SIRPG: variants seen among roughly 807,000 people sequenced by gnomAD.
SIRPG encodes signal regulatory protein gamma.
A neutral mutation model predicts 35.7 loss-of-function variants in SIRPG; 38 were observed. That is an observed-to-expected ratio of 1.06 (90% CI 0.82 to 1.40). SIRPG has a LOEUF of 1.40. SIRPG is among the 40% of genes most tolerant of loss of function. The pLI is 0.00. For missense variants in SIRPG, 519 were observed against 483.0 expected, an observed-to-expected ratio of 1.07 and a Z score of -0.70; for synonymous variants, 215 against 190.4, an observed-to-expected ratio of 1.13 and a Z score of -1.06.
chr20:1,664,501 G>A, the SIRPG span, among the ~76,000 whole-genome samples: 1 of 152,100 alleles, frequency 6.6e-6, no homozygotes, highest in South Asian at 2.1e-4. Flanking sequence ...AGTGTATTCA[G>A]ATTTGATGTG....
the SIRPG span, among the ~76,000 whole-genome samples, chr20:1,682,422 A>G: frequency 6.6e-6 from 1 of 152,210 alleles, no homozygotes; most frequent in Admixed American, 6.5e-5. Flanking sequence ...CCCTATGACC[A>G]TCTCAACACA....
chr20:1,684,463 C>T, the SIRPG span, among the ~76,000 whole-genome samples: 1 of 151,998 alleles, frequency 6.6e-6, no homozygotes, highest in Non-Finnish European at 1.5e-5. Flanking sequence ...TTTGTTCTGT[C>T]CTTATACTAT....
At chr20:1,677,947 C>G in the SIRPG span, among the ~76,000 whole-genome samples, 1 of 152,148 alleles carries the variant, frequency 6.6e-6, no homozygotes, top group African/African-American at 2.4e-5. Flanking sequence ...CACCCACATG[C>G]AGAGTAACTG....
Position 1,649,057 on chromosome 20 carries a change from A to C in SIRPG, c.425T>G (p.Leu142Trp). ...GAGGTCCATGTTGTACTCACCACCC[A>C]AAGCCATCTCAGTGCCTGGTCCAGA... ...FKSGPGTEMA[L>W]GAKPSAPVVL... The change falls in exon 2 of 6, where the codon TTG becomes TGG. Residue 142 changes from leucine to tryptophan, a missense_variant. Physicochemically the swap from Leu to Trp is moderately conservative, Grantham distance 61 (BLOSUM62 -2). Coordinates refer to ENST00000303415, the MANE Select transcript of SIRPG (RefSeq NM_018556.4). The C allele has an allele frequency of 3.7e-6, 6 of 1,613,530 alleles. No individual in the cohort carries two copies. The highest frequency in any genetic ancestry group is 5.1e-6 in the Non-Finnish European group (6 of 1,179,570).
intron 2 of SIRPG, among the ~76,000 whole-genome samples, chr20:1,645,168 C>A (rs2091888770): frequency 6.6e-6 from 1 of 152,044 alleles, no homozygotes; most frequent in African/African-American, 2.4e-5. Flanking sequence ...GTCCTGAGGC[C>A]CGTACTGTGG....
the SIRPG span, among the ~76,000 whole-genome samples, chr20:1,680,576 T>G: frequency 2.6e-5 from 4 of 152,170 alleles, no homozygotes; most frequent in Non-Finnish European, 4.4e-5. Context: ...ACTAGCAAAC[T>G]GAATTGAATA....
intron 1 of SIRPG, 51 bp downstream of exon 1, chr20:1,657,591 G>A: frequency 6.4e-7 from 1 of 1,572,918 alleles, no homozygotes; most frequent in African/African-American, 1.3e-5. Flanking sequence ...CAGGGGCAAG[G>A]CTAGGTCCAG....
intron 2 of SIRPG, 74 bp downstream of exon 2, chr20:1,648,978 T>G: frequency 7.5e-7 from 1 of 1,329,484 alleles, no homozygotes; most frequent in Non-Finnish European, 1.1e-6. Context: ...TGATTGTTGC[T>G]CAAAGAATGG....
chr20:1,646,971 G>A (rs983501308), intron 2 of SIRPG: 2 of 152,236 alleles, frequency 1.3e-5, no homozygotes, highest in African/African-American at 2.4e-5. Flanking sequence ...AATGCTTTTC[G>A]CTATAGAACT....
At chr20:1,658,930 T>C (rs1483652587), upstream of SIRPG, among the ~76,000 whole-genome samples, 1 of 152,158 alleles carries the variant, frequency 6.6e-6, no homozygotes, top group African/African-American at 2.4e-5. Flanking sequence ...CCGCTCCTTG[T>C]TCAACCATAG....
At chr20:1,654,216 C>T (rs564598904) in intron 1 of SIRPG, among the ~76,000 whole-genome samples, 4 of 146,566 alleles carry the variant, frequency 2.7e-5, no homozygotes, top group South Asian at 2.1e-4. Context: ...TCCAGACTGG[C>T]GACAGAGCAA....
At chr20:1,671,186 C>T in the SIRPG span, 1 of 283,312 alleles carries the variant, frequency 3.5e-6, no homozygotes, top group Non-Finnish European at 7.5e-6. Flanking sequence ...ACCACAGGGG[C>T]AGAGGATTTG....
the SIRPG span, among the ~76,000 whole-genome samples, chr20:1,685,226 C>T: frequency 3.9e-5 from 6 of 152,134 alleles, no homozygotes; most frequent in Non-Finnish European, 8.8e-5. Context: ...ATGGTAAAGT[C>T]GAAAGAACCA....
intron 3 of SIRPG, among the ~76,000 whole-genome samples, chr20:1,635,912 A>G (rs1475100173): frequency 2.0e-5 from 3 of 152,198 alleles, no homozygotes; most frequent in African/African-American, 4.8e-5. Flanking sequence ...CCGAGCACAT[A>G]GGGACTTGGC....
chr20:1,643,773 T>G (rs1307645333), intron 2 of SIRPG, among the ~76,000 whole-genome samples: 3 of 152,208 alleles, frequency 2.0e-5, no homozygotes, highest in African/African-American at 7.2e-5. Flanking sequence ...CTTTTTTTGT[T>G]GATGCTGTTG....
chr20:1,636,673 G>A (rs1225188786), intron 2 of SIRPG, among the ~76,000 whole-genome samples, 168 bp from the exon 3 acceptor site: 1 of 152,216 alleles, frequency 6.6e-6, no homozygotes, highest in Non-Finnish European at 1.5e-5. Context: ...GCAAAGGTTG[G>A]AAGAGGTGAC....
intron 2 of SIRPG, among the ~76,000 whole-genome samples, chr20:1,642,684 G>T (rs1339435717): frequency 2.6e-5 from 4 of 152,018 alleles, no homozygotes; most frequent in African/African-American, 9.7e-5. Flanking sequence ...TTATATTTTG[G>T]TATGTTTTTG....
At chr20:1,655,510 C>A (rs769365455) in intron 1 of SIRPG, among the ~76,000 whole-genome samples, 6 of 150,648 alleles carry the variant, frequency 4.0e-5, no homozygotes, top group African/African-American at 1.5e-4. Flanking sequence ...TGGTGTTTAT[C>A]GGGGGCTAGA....
chr20:1,642,454 A>G (rs181117351), intron 2 of SIRPG, among the ~76,000 whole-genome samples: 57 of 152,238 alleles, frequency 3.7e-4, no homozygotes, highest in African/African-American at 1.3e-3. Context: ...TTTTGAGCCT[A>G]TGTGTGTCTT....
Sources: allele counts gnomAD v4.1 joint callset (sites outside exome capture counted in the v4.1 genomes callset), GRCh38; gene constraint gnomAD v4.1.1; transcripts MANE v1.5; gene names NCBI Gene and HGNC (gene_info 2026-07-23, HGNC 2026-07-21).